The following ZNG1E variants were observed in gnomAD, a reference collection of about 807,000 sequenced individuals.
ZNG1E encodes the protein zinc-regulated GTPase metalloprotein activator 1E.
chr9:65,721,938 A>G, the ZNG1E span, among the ~76,000 whole-genome samples: 3 of 150,292 alleles, frequency 2.0e-5, no homozygotes, highest in Non-Finnish European at 4.4e-5. Context: ...CACTAGATTC[A>G]TGGCTGAGGT....
the ZNG1E span, among the ~76,000 whole-genome samples, chr9:65,684,546 G>GCACA: frequency 0.01 from 1,429 of 139,306 alleles, 1 homozygote; most frequent in African/African-American, 0.036. Context: ...ACACACACAC[G>GCACA]CACGCACACA....
At chr9:65,699,781 G>A in the ZNG1E span, among the ~76,000 whole-genome samples, 1 of 117,776 alleles carries the variant, frequency 8.5e-6, no homozygotes. Context: ...ACAGTTTTTA[G>A]TATTAAGTGA....
chr9:65,690,982 T>C, the ZNG1E span: 7 of 1,604,202 alleles, frequency 4.4e-6, no homozygotes, highest in Non-Finnish European at 5.9e-6. Flanking sequence ...GTGACTTCTA[T>C]GTTTTGGGTT....
chr9:65,724,266 CT>C, the ZNG1E span, among the ~76,000 whole-genome samples: 3 of 151,364 alleles, frequency 2.0e-5, no homozygotes, highest in East Asian at 5.8e-4. Flanking sequence ...TTTTTAAAGC[CT>C]TTTGTGTCTC....
At chr9:65,690,286 GTT>G in the ZNG1E span, among the ~76,000 whole-genome samples, 12 of 29,962 alleles carry the variant, frequency 4.0e-4, no homozygotes, top group African/African-American at 1.4e-3. Context: ...CTTGCTGTCA[GTT>G]TTCTTTTTCT....
At chr9:65,709,625 A>G in the ZNG1E span, among the ~76,000 whole-genome samples, 1 of 135,648 alleles carries the variant, frequency 7.4e-6, no homozygotes, top group African/African-American at 3.0e-5. Flanking sequence ...TTCTTGCGAT[A>G]GTTTACTGAG....
the ZNG1E span, among the ~76,000 whole-genome samples, chr9:65,680,699 G>T: frequency 6.6e-6 from 1 of 152,132 alleles, no homozygotes; most frequent in South Asian, 2.1e-4. Context: ...AACATTTAAA[G>T]TAATTCTTAT....
chr9:65,666,805 T>C, the ZNG1E span, among the ~76,000 whole-genome samples: 16 of 151,902 alleles, frequency 1.1e-4, no homozygotes, highest in Admixed American at 2.0e-4. Context: ...TTCTGCTTAC[T>C]AACAGTTTCT....
chr9:65,663,759 G>A, the ZNG1E span, among the ~76,000 whole-genome samples: 1 of 151,486 alleles, frequency 6.6e-6, no homozygotes, highest in Non-Finnish European at 1.5e-5. Context: ...TACAAAGGTT[G>A]CTAACATATT....
At chr9:65,724,800 GACA>G in the ZNG1E span, among the ~76,000 whole-genome samples, 2 of 101,428 alleles carry the variant, frequency 2.0e-5, no homozygotes, top group African/African-American at 4.2e-5. Context: ...TGTTTCATTT[GACA>G]ACCTTTTGCT....
At chr9:65,659,297 C>G in the ZNG1E span, among the ~76,000 whole-genome samples, 2 of 150,880 alleles carry the variant, frequency 1.3e-5, no homozygotes, top group Admixed American at 6.6e-5. Context: ...GTGTTCAAGA[C>G]CAGCCTGACC....
At chr9:65,728,694 A>C in the ZNG1E span, among the ~76,000 whole-genome samples, 7 of 148,188 alleles carry the variant, frequency 4.7e-5, no homozygotes, top group Admixed American at 2.7e-4. Flanking sequence ...ACAGACCAGT[A>C]ACAAGCAGGG....
chr9:65,656,836 G>C, the ZNG1E span, among the ~76,000 whole-genome samples: 1 of 152,204 alleles, frequency 6.6e-6, no homozygotes, highest in Non-Finnish European at 1.5e-5. Flanking sequence ...ACCACTTCCA[G>C]AGGAAAGACA....
the ZNG1E span, among the ~76,000 whole-genome samples, chr9:65,721,019 C>G: frequency 6.7e-6 from 1 of 149,076 alleles, no homozygotes; most frequent in East Asian, 1.9e-4. Flanking sequence ...CGGTATCTGT[C>G]ATATAGTTGA....
At chr9:65,659,169 A>G in the ZNG1E span, among the ~76,000 whole-genome samples, 1 of 152,186 alleles carries the variant, frequency 6.6e-6, no homozygotes. Context: ...GGAGACTGGA[A>G]GTTGGAAGAC....
At chr9:65,672,250 G>A in the ZNG1E span, among the ~76,000 whole-genome samples, 13 of 151,686 alleles carry the variant, frequency 8.6e-5, no homozygotes, top group African/African-American at 2.7e-4. Context: ...ATGCTTAGGG[G>A]CTCAAAACAT....
chr9:65,722,516 GT>G, the ZNG1E span, among the ~76,000 whole-genome samples: 1 of 61,902 alleles, frequency 1.6e-5, no homozygotes, highest in African/African-American at 6.9e-5. Context: ...TTTTGTTTTT[GT>G]TTTTGTTTTT....
At chr9:65,693,757 A>G in the ZNG1E span, among the ~76,000 whole-genome samples, 10 of 151,842 alleles carry the variant, frequency 6.6e-5, no homozygotes, top group Non-Finnish European at 1.5e-5. Flanking sequence ...GGATTTTACC[A>G]TGTTGACCAG....
At chr9:65,716,347 G>T in the ZNG1E span, among the ~76,000 whole-genome samples, 3 of 150,038 alleles carry the variant, frequency 2.0e-5, no homozygotes, top group Non-Finnish European at 4.4e-5. Flanking sequence ...CTGTAAGCAT[G>T]GGGTCTTGCT....
Sources: allele counts gnomAD v4.1 joint callset (sites outside exome capture counted in the v4.1 genomes callset), GRCh38; gene constraint gnomAD v4.1.1; transcripts MANE v1.5; gene names NCBI Gene and HGNC (gene_info 2026-07-23, HGNC 2026-07-21).